SPAG16: variants seen among roughly 807,000 people sequenced by gnomAD.
The protein encoded by SPAG16 is sperm associated antigen 16, also known as sperm-associated antigen 16 protein.
A neutral mutation model predicts 80.4 loss-of-function variants in SPAG16; 86 were observed. The observed-to-expected ratio is 1.07, with a 90% CI of 0.90 to 1.28. SPAG16 has a LOEUF of 1.28. Ranked by LOEUF, SPAG16 falls within the 50% of genes most tolerant of loss-of-function variation. The probability of loss-of-function intolerance (pLI) is 0.00; values close to 1 mark genes in which losing one functional copy is unlikely to be tolerated. For missense variants in SPAG16, 870 were observed against 765.3 expected (o/e 1.14, Z -1.61); for synonymous variants, 294 against 265.9 (o/e 1.11, Z -1.03).
At chr2:214,286,255 C>G (rs1337602869) in intron 15 of SPAG16, among the ~76,000 whole-genome samples, 1 of 152,058 alleles carries the variant, frequency 6.6e-6, no homozygotes, top group African/African-American at 2.4e-5. Flanking sequence ...ATCTAACGTA[C>G]AACAATGTGA....
intron 10 of SPAG16, among the ~76,000 whole-genome samples, chr2:213,785,483 C>A (rs80108862): frequency 6.6e-6 from 1 of 152,052 alleles, no homozygotes; most frequent in Non-Finnish European, 1.5e-5. Flanking sequence ...TTAGTTTTCT[C>A]ATTATCAGAC....
In SPAG16 at chr2:213,667,896, T is replaced by C. The variant is rs181919769; in HGVS notation, c.1070+177806T>C. On this transcript the variant is annotated intron_variant, in intron 10 of 15. Transcript: ENST00000331683. ...AGGGTAGAGTACATAGTTAATTTTA[T>C]ATAATTATAAACGAGTGTATTTGAA... Among the ~76,000 whole-genome samples the C allele has an allele frequency of 3.7e-3, 567 of 152,238 alleles. 2 individuals carry two copies. Among genetic ancestry groups the C allele is most frequent in the Non-Finnish European group, 5.3e-3 (363 of 68,020 alleles).
chr2:213,436,976 A>G (rs1463167970), intron 9 of SPAG16, among the ~76,000 whole-genome samples: 1 of 151,152 alleles, frequency 6.6e-6, no homozygotes, highest in East Asian at 1.9e-4. Flanking sequence ...CAGTGGCATG[A>G]TCTCGGTTCA....
chr2:214,190,022 CCA>C (rs2057607845), intron 15 of SPAG16, among the ~76,000 whole-genome samples: 1 of 152,078 alleles, frequency 6.6e-6, no homozygotes, highest in South Asian at 2.1e-4. Context: ...AAATTATCTT[CCA>C]GTTTCCTGTT....
At chr2:214,011,000 ATCTTG>A (rs2047255217) in intron 12 of SPAG16, among the ~76,000 whole-genome samples, 1 of 145,932 alleles carries the variant, frequency 6.9e-6, no homozygotes, top group East Asian at 2.0e-4. Flanking sequence ...ATAGTGATAG[ATCTTG>A]TCTTGTAGTA....
rs1390404832 is a variant in SPAG16, at chr2:213,677,398, G to A, written c.1071-185087G>A. 3.3e-5 allele frequency among the ~76,000 whole-genome samples: 5 copies of A among 152,160 alleles called. No homozygotes were observed. In the South Asian group the frequency reaches 1.0e-3, roughly 32 times the overall value. On this transcript the variant is annotated intron_variant, in intron 10 of 15. Coordinates refer to ENST00000331683, the MANE Select transcript of SPAG16 (RefSeq NM_024532.5). ...ATCTCACATGCAGAGACACACATAGGCTCAAAATAAAAGGATGGAGGAAGA... is the reference window on the plus strand; with the variant it reads ...ATCTCACATGCAGAGACACACATAGACTCAAAATAAAAGGATGGAGGAAGA...
intron 12 of SPAG16, among the ~76,000 whole-genome samples, chr2:213,980,723 T>G (rs867246375): frequency 2.1e-5 from 2 of 93,970 alleles, no homozygotes; most frequent in African/African-American, 6.1e-5. Context: ...TATATATATA[T>G]ATAGAGAGAG....
chr2:214,036,495 A>G (rs1559718821), intron 13 of SPAG16, among the ~76,000 whole-genome samples: 2 of 152,238 alleles, frequency 1.3e-5, no homozygotes, highest in Non-Finnish European at 2.9e-5. Flanking sequence ...AAATAGAAAG[A>G]TAACTGTGTA....
At chr2:213,857,065 A>G (rs2075205661) in intron 10 of SPAG16, among the ~76,000 whole-genome samples, 1 of 152,150 alleles carries the variant, frequency 6.6e-6, no homozygotes, top group African/African-American at 2.4e-5. Context: ...CCCTATCTCT[A>G]TCAAAAATAC....
At chr2:213,998,124 G>T (rs4673801) in intron 12 of SPAG16, among the ~76,000 whole-genome samples, 2 of 152,160 alleles carry the variant, frequency 1.3e-5, no homozygotes, top group East Asian at 3.9e-4. Context: ...TAAAATCCAC[G>T]TAAATCTCAG....
chr2:213,794,346 A>G (rs1039576367), intron 10 of SPAG16, among the ~76,000 whole-genome samples: 5 of 152,130 alleles, frequency 3.3e-5, no homozygotes, highest in African/African-American at 1.2e-4. Context: ...CAGTTTTAAT[A>G]TATAAATGAC....
chr2:214,338,993 A>G (rs2126026451), intron 15 of SPAG16, among the ~76,000 whole-genome samples: 1 of 152,332 alleles, frequency 6.6e-6, no homozygotes, highest in Non-Finnish European at 1.5e-5. Context: ...TTTATAAATG[A>G]TATTTCTGCC....
chr2:214,306,646 C>T (rs889687140), intron 15 of SPAG16, among the ~76,000 whole-genome samples: 3 of 151,830 alleles, frequency 2.0e-5, no homozygotes, highest in African/African-American at 7.3e-5. Flanking sequence ...AAGTTTTTGT[C>T]TTTAGTTCTG....
At chr2:213,470,560 T>C (rs2073022361) in intron 9 of SPAG16, among the ~76,000 whole-genome samples, 1 of 152,202 alleles carries the variant, frequency 6.6e-6, no homozygotes, top group African/African-American at 2.4e-5. Context: ...GGTGCCATAT[T>C]GTGGGCTCAG....
chr2:213,962,830 A>G (rs894653688), intron 12 of SPAG16, among the ~76,000 whole-genome samples: 9 of 152,176 alleles, frequency 5.9e-5, no homozygotes, highest in African/African-American at 1.4e-4. Context: ...TAAGTTGTCT[A>G]TCATAGTACT....
At chr2:214,090,165 G>A (rs1280309127) in intron 13 of SPAG16, among the ~76,000 whole-genome samples, 2 of 152,068 alleles carry the variant, frequency 1.3e-5, no homozygotes, top group African/African-American at 4.8e-5. Flanking sequence ...GAAGTGTGAT[G>A]ATGGTGATAA....
intron 13 of SPAG16, among the ~76,000 whole-genome samples, chr2:214,041,480 A>T (rs1287420688): frequency 2.0e-5 from 3 of 151,784 alleles, no homozygotes; most frequent in African/African-American, 7.3e-5. Context: ...ATGGCTAAAA[A>T]ATGTCCTATG....
In SPAG16 at chr2:213,974,948, T is replaced by TAAAAA. The variant is rs569021815; in HGVS notation, c.1401-38990_1401-38986dup. On this transcript the variant is annotated intron_variant, in intron 12 of 15. Coordinates refer to ENST00000331683, the MANE Select transcript of SPAG16 (RefSeq NM_024532.5). ...ATCTAGTATTGAAGTAAGATGTCGT[T>TAAAAA]AAAAAAAAAAAAAAAAACACAAAAT... 1.8e-4 allele frequency among the ~76,000 whole-genome samples: 21 copies of TAAAAA among 116,368 alleles called. No individual in the cohort carries two copies. In the East Asian group the frequency reaches 2.1e-3, roughly 12 times the overall value. 76.3% of individuals were successfully genotyped at this position (116,368 alleles called of 152,430 possible). A position where few individuals can be genotyped will look rare whatever the true frequency, so the allele number is the denominator to read the frequency against.
intron 12 of SPAG16, among the ~76,000 whole-genome samples, chr2:213,942,589 G>A (rs1411154589): frequency 6.6e-6 from 1 of 152,142 alleles, no homozygotes. Context: ...TCACGTGTTT[G>A]AAGCTTCAGT....
Sources: gnomAD v4.1 joint callset for allele counts (sites outside exome capture counted in the v4.1 genomes callset) on GRCh38, gnomAD v4.1.1 for gene constraint, MANE v1.5 for transcripts, NCBI Gene and HGNC (gene_info 2026-07-23, HGNC 2026-07-21) for gene names.